The following RBFOX1 variants were observed in gnomAD, a reference collection of about 807,000 sequenced individuals.
RBFOX1 encodes RNA binding fox-1 homolog 1, also known as RNA binding protein fox-1 homolog 1.
RBFOX1 carries 8 observed loss-of-function variants against 57.7 expected under a neutral mutation model. That is an observed-to-expected ratio of 0.14 (90% confidence interval 0.08 to 0.25). RBFOX1 has a LOEUF of 0.25. Ranked by LOEUF, RBFOX1 falls within the 10% of genes least tolerant of loss-of-function variation. The pLI is 1.00. For synonymous variants in RBFOX1, 326 were observed against 222.4 expected (o/e 1.47, Z -4.15); for missense variants, 611 against 548.5 (o/e 1.11, Z -1.14).
chr16:5,997,629 T>C lies in RBFOX1; in HGVS notation c.351+130294T>C, dbSNP rs552931378. ...TGCCTCCTGGGTTGCAGGTGATAAA[T>C]GAATTATGCCAAGGAAAACAAAATA... On this transcript the variant is annotated intron_variant, in intron 4 of 19. Coordinates refer to the RBFOX1 transcript ENST00000641259. Among the ~76,000 whole-genome samples the C allele has an allele frequency of 3.1e-4, 47 of 152,300 alleles. 1 individual carries two copies. Among genetic ancestry groups the C allele is most frequent in the Admixed American group, 2.5e-3 (38 of 15,306 alleles).
chr16:7,383,285 A>G (rs2097815710), intron 4 of RBFOX1, among the ~76,000 whole-genome samples: 1 of 151,936 alleles, frequency 6.6e-6, no homozygotes, highest in African/African-American at 2.4e-5. Flanking sequence ...AAAAAAACGT[A>G]AAATGCAACA....
chr16:6,052,229 T>C (rs958516911), intron 1 of RBFOX1, among the ~76,000 whole-genome samples: 2 of 152,146 alleles, frequency 1.3e-5, no homozygotes, highest in African/African-American at 4.8e-5. Context: ...TCCTTCATAG[T>C]AGGGATTTAT....
chr16:7,472,839 G>C (rs951125329), intron 4 of RBFOX1, among the ~76,000 whole-genome samples: 14 of 152,184 alleles, frequency 9.2e-5, no homozygotes, highest in Non-Finnish European at 8.8e-5. Flanking sequence ...AGTGTTAGCA[G>C]GATAGGATGA....
At chr16:7,597,012 A>G (rs1179855010) in intron 8 of RBFOX1, among the ~76,000 whole-genome samples, 1 of 151,948 alleles carries the variant, frequency 6.6e-6, no homozygotes, top group Non-Finnish European at 1.5e-5. Flanking sequence ...CCTTCATATG[A>G]ATTTTATTTT....
intron 4 of RBFOX1, among the ~76,000 whole-genome samples, chr16:7,325,644 G>T (rs1278175732): frequency 1.3e-5 from 2 of 152,080 alleles, no homozygotes; most frequent in Non-Finnish European, 2.9e-5. Flanking sequence ...TTCCAATGGG[G>T]GTGGTTGTAA....
At chr16:7,485,339 C>G (rs1567436344) in intron 4 of RBFOX1, among the ~76,000 whole-genome samples, 1 of 152,206 alleles carries the variant, frequency 6.6e-6, no homozygotes, top group Non-Finnish European at 1.5e-5. Flanking sequence ...TGCGCTGTTG[C>G]TTATACATTT....
At chr16:7,034,233 A>G (rs1360198506) in intron 3 of RBFOX1, among the ~76,000 whole-genome samples, 1 of 152,058 alleles carries the variant, frequency 6.6e-6, no homozygotes, top group African/African-American at 2.4e-5. Flanking sequence ...GCCTCTCTCC[A>G]TCTCAGTGCT....
At chr16:7,509,672 T>C (rs1297958250) in intron 4 of RBFOX1, among the ~76,000 whole-genome samples, 4 of 152,204 alleles carry the variant, frequency 2.6e-5, no homozygotes, top group Non-Finnish European at 5.9e-5. Flanking sequence ...CCACACAGCT[T>C]TATTACAAAT....
At chr16:5,454,031 G>A (rs1462102055) in intron 1 of RBFOX1, among the ~76,000 whole-genome samples, 1 of 152,170 alleles carries the variant, frequency 6.6e-6, no homozygotes, top group Non-Finnish European at 1.5e-5. Context: ...GAGAGGGAGG[G>A]AAAAGGAGAG....
At chr16:7,009,938 G>C (rs954866634) in intron 3 of RBFOX1, among the ~76,000 whole-genome samples, 7 of 152,128 alleles carry the variant, frequency 4.6e-5, no homozygotes, top group Non-Finnish European at 8.8e-5. Context: ...TTTGCCATTG[G>C]CTACAAGGAA....
chr16:6,814,354 GT>G (rs2089555339), intron 3 of RBFOX1, among the ~76,000 whole-genome samples: 1 of 152,148 alleles, frequency 6.6e-6, no homozygotes, highest in Admixed American at 6.5e-5. Flanking sequence ...CATGTCCTAA[GT>G]GTTTCCATTT....
chr16:6,816,738 A>C (rs1344712066), intron 3 of RBFOX1, among the ~76,000 whole-genome samples: 2 of 115,210 alleles, frequency 1.7e-5, no homozygotes, highest in African/African-American at 8.3e-5. Context: ...AGACTGTCTC[A>C]AAAAAAAAAA....
chr16:6,798,181 T>A (rs982878966), intron 3 of RBFOX1, among the ~76,000 whole-genome samples: 2 of 152,138 alleles, frequency 1.3e-5, no homozygotes, highest in Non-Finnish European at 2.9e-5. Flanking sequence ...TCTAGTCTCT[T>A]CTCTGGTCGT....
intron 4 of RBFOX1, among the ~76,000 whole-genome samples, chr16:7,249,864 C>G (rs938119895): frequency 2.0e-5 from 3 of 152,102 alleles, no homozygotes; most frequent in Non-Finnish European, 4.4e-5. Flanking sequence ...AATGTTTAAG[C>G]CTTTTGATAC....
chr16:5,368,166 T>A (rs897887404), intron 1 of RBFOX1, among the ~76,000 whole-genome samples: 1 of 152,246 alleles, frequency 6.6e-6, no homozygotes, highest in Admixed American at 6.5e-5. Context: ...GCTATCTGTT[T>A]GAATGATGTC....
At chr16:7,698,835 C>T (rs1454559978) in intron 14 of RBFOX1, among the ~76,000 whole-genome samples, 1 of 152,168 alleles carries the variant, frequency 6.6e-6, no homozygotes, top group Non-Finnish European at 1.5e-5. Context: ...GTATATGAGG[C>T]ATAGTCTCAG....
chr16:6,614,113 T>C (rs1436314500), intron 2 of RBFOX1, among the ~76,000 whole-genome samples: 2 of 152,222 alleles, frequency 1.3e-5, no homozygotes, highest in African/African-American at 2.4e-5. Flanking sequence ...GGTAATATTT[T>C]TGGAATTCCC....
At chr16:7,239,938 A>G (rs1020836361) in intron 4 of RBFOX1, among the ~76,000 whole-genome samples, 5 of 152,210 alleles carry the variant, frequency 3.3e-5, no homozygotes, top group African/African-American at 1.2e-4. Flanking sequence ...ATCAAATTCC[A>G]AAACTTCCTA....
chr16:6,146,837 C>T (rs1336390405), intron 1 of RBFOX1, among the ~76,000 whole-genome samples: 1 of 152,198 alleles, frequency 6.6e-6, no homozygotes, highest in East Asian at 1.9e-4. Flanking sequence ...GATTCAAGCT[C>T]CACCTCGTTG....
Sources: gnomAD v4.1 joint callset for allele counts (sites outside exome capture counted in the v4.1 genomes callset) on GRCh38, gnomAD v4.1.1 for gene constraint, MANE v1.5 for transcripts, NCBI Gene and HGNC (gene_info 2026-07-23, HGNC 2026-07-21) for gene names.